Variants in GALNT17 observed in about 807,000 individuals in gnomAD.
The protein encoded by GALNT17 is UDP-GalNAc:polypeptide N-acetylgalactosaminyltransferase-like 3.
Under a neutral mutation model 63.7 loss-of-function variants are expected in GALNT17, and 29 were observed. That is an observed-to-expected ratio of 0.46 (90% confidence interval 0.34 to 0.62). GALNT17 has a LOEUF of 0.62. Among genes scored for constraint, GALNT17 ranks in the 20% least tolerant of loss-of-function variants. GALNT17 has a pLI of 0.01. For missense variants in GALNT17, 603 were observed against 799.6 expected (o/e 0.75, Z 2.97); for synonymous variants, 305 against 318.3 (o/e 0.96, Z 0.45).
chr7:71,430,088 C>G (rs962075595), intron 5 of GALNT17, among the ~76,000 whole-genome samples: 1 of 152,032 alleles, frequency 6.6e-6, no homozygotes, highest in Non-Finnish European at 1.5e-5. Flanking sequence ...CTCAAGCAAT[C>G]CTCTTCCCTT....
At chr7:71,656,280 G>C (rs1164663534) in intron 6 of GALNT17, among the ~76,000 whole-genome samples, 1 of 152,172 alleles carries the variant, frequency 6.6e-6, no homozygotes, top group Non-Finnish European at 1.5e-5. Flanking sequence ...GCATGTTATA[G>C]GGAACTCTGT....
intron 6 of GALNT17, among the ~76,000 whole-genome samples, chr7:71,657,826 G>T (rs1158430515): frequency 1.3e-5 from 2 of 152,036 alleles, no homozygotes; most frequent in South Asian, 2.1e-4. Flanking sequence ...TGGGATCCAG[G>T]TGTTTGCAAT....
chr7:71,417,965 A>G (rs1402252058), intron 4 of GALNT17, among the ~76,000 whole-genome samples: 2 of 151,872 alleles, frequency 1.3e-5, no homozygotes, highest in African/African-American at 2.4e-5. Flanking sequence ...CTTGACATTC[A>G]CCTAAACCAA....
chr7:71,402,807 T>A (rs1219363952), intron 3 of GALNT17, among the ~76,000 whole-genome samples: 1 of 152,168 alleles, frequency 6.6e-6, no homozygotes, highest in Non-Finnish European at 1.5e-5. Flanking sequence ...GGGAGAAGTC[T>A]TGTGTTTCCA....
chr7:71,657,849 TATGGATGGATGGATGGATGGATGG>T (rs56699781), intron 6 of GALNT17, among the ~76,000 whole-genome samples: 2 of 125,030 alleles, frequency 1.6e-5, no homozygotes, highest in African/African-American at 2.7e-5. Context: ...TATTTCATTT[TATGGATGGATGGATGGATGGATGG>T]ATGGATGGAT....
At chr7:71,162,384 T>C (rs1358223393) in intron 1 of GALNT17, among the ~76,000 whole-genome samples, 3 of 151,952 alleles carry the variant, frequency 2.0e-5, no homozygotes, top group East Asian at 1.9e-4. Flanking sequence ...GCATTTGATA[T>C]TGCTGTGTAT....
chr7:71,318,889 T>A (rs1307906856), intron 1 of GALNT17, among the ~76,000 whole-genome samples: 2 of 152,126 alleles, frequency 1.3e-5, no homozygotes, highest in African/African-American at 4.8e-5. Context: ...GAGCATAGAA[T>A]CCAAGCGCTC....
intron 2 of GALNT17, among the ~76,000 whole-genome samples, chr7:71,378,283 T>A (rs1410020437): frequency 1.3e-5 from 2 of 152,188 alleles, no homozygotes; most frequent in African/African-American, 4.8e-5. Flanking sequence ...TTCCTAATAA[T>A]GAGAGCTCCA....
chr7:71,647,103 T>C (rs1011654599), intron 6 of GALNT17, among the ~76,000 whole-genome samples: 62 of 137,454 alleles, frequency 4.5e-4, no homozygotes, highest in Middle Eastern at 5.2e-3. Flanking sequence ...CTCGCTCTGT[T>C]ACCCAGGCTG....
chr7:71,617,511 A>G (rs750117656), intron 6 of GALNT17, among the ~76,000 whole-genome samples: 6 of 151,732 alleles, frequency 4.0e-5, no homozygotes, highest in Non-Finnish European at 8.8e-5. Context: ...TAGTAGAGAC[A>G]GGGTTTCACC....
intron 5 of GALNT17, among the ~76,000 whole-genome samples, chr7:71,486,057 G>T (rs1162023644): frequency 2.0e-5 from 3 of 152,158 alleles, no homozygotes; most frequent in African/African-American, 7.2e-5. Context: ...GCCAGGCACA[G>T]TGGCTCATGC....
chr7:71,491,424 G>A (rs1196379897), intron 5 of GALNT17, among the ~76,000 whole-genome samples: 9 of 152,118 alleles, frequency 5.9e-5, no homozygotes, highest in African/African-American at 2.2e-4. Context: ...ATGATTTATA[G>A]CGAGGTCCAT....
intron 5 of GALNT17, among the ~76,000 whole-genome samples, chr7:71,465,283 A>G (rs2116593126): frequency 6.6e-6 from 1 of 152,270 alleles, no homozygotes; most frequent in Middle Eastern, 3.4e-3. Flanking sequence ...TTTAAAGTTA[A>G]ATATAAACTA....
intron 1 of GALNT17, among the ~76,000 whole-genome samples, chr7:71,133,269 T>C (rs1417690686): frequency 1.3e-5 from 2 of 152,196 alleles, no homozygotes; most frequent in African/African-American, 4.8e-5. Flanking sequence ...GGTTTTATCC[T>C]GGAAACATGT....
chr7:71,292,643 G>A (rs959588333), intron 1 of GALNT17, among the ~76,000 whole-genome samples: 14 of 110,958 alleles, frequency 1.3e-4, no homozygotes, highest in Admixed American at 1.0e-4. Flanking sequence ...GGGAGAGAGA[G>A]AGAGAGAGAC....
intron 2 of GALNT17, among the ~76,000 whole-genome samples, chr7:71,361,401 A>G (rs1792398781): frequency 6.6e-6 from 1 of 152,202 alleles, no homozygotes; most frequent in Non-Finnish European, 1.5e-5. Flanking sequence ...CACCATTTCT[A>G]TTATCTGAGA....
chr7:71,334,930 C>T lies in GALNT17; in HGVS notation c.239-620C>T, dbSNP rs1180921343. On this transcript the variant is annotated intron_variant, in intron 1 of 10. Coordinates refer to ENST00000333538, the MANE Select transcript of GALNT17 (RefSeq NM_022479.3). ...TCTGCAGTTTGGCAGTTATCTGTGA[C>T]TTGCTGTTTTTATTCTGTGCTATTT... 5.3e-5 allele frequency among the ~76,000 whole-genome samples: 8 copies of T among 152,152 alleles called. No homozygotes were observed. In the South Asian group the frequency reaches 1.0e-3, roughly 20 times the overall value.
intron 6 of GALNT17, among the ~76,000 whole-genome samples, chr7:71,572,526 A>AAAC (rs1789464672): frequency 6.7e-6 from 1 of 150,238 alleles, no homozygotes; most frequent in Non-Finnish European, 1.5e-5. Context: ...AAAAAAAAAA[A>AAAC]AAAACTACAT....
intron 1 of GALNT17, among the ~76,000 whole-genome samples, chr7:71,241,604 G>C (rs918746867): frequency 6.6e-6 from 1 of 152,130 alleles, no homozygotes; most frequent in Non-Finnish European, 1.5e-5. Flanking sequence ...AGGAATACCT[G>C]AGGCTGGGTG....
Sources: allele counts gnomAD v4.1 joint callset (sites outside exome capture counted in the v4.1 genomes callset), GRCh38; gene constraint gnomAD v4.1.1; transcripts MANE v1.5; gene names NCBI Gene and HGNC (gene_info 2026-07-23, HGNC 2026-07-21).